PARP4: variants seen among roughly 807,000 people sequenced by gnomAD.
PARP4 encodes poly(ADP-ribose) polymerase family member 4.
Under a neutral mutation model 187.7 loss-of-function variants are expected in PARP4, and 120 were observed. That is an observed-to-expected ratio of 0.64 (90% confidence interval 0.55 to 0.74). PARP4 has a LOEUF of 0.74. Ranked by LOEUF, PARP4 falls within the 30% of genes least tolerant of loss-of-function variation. The pLI, the probability that PARP4 is intolerant of heterozygous loss-of-function variation, is 0.00. For missense variants in PARP4, 1,836 were observed against 2,070.5 expected (o/e 0.89, Z 2.20); for synonymous variants, 654 against 740.9 (o/e 0.88, Z 1.90).
chr13:24,473,210 A>C (rs1403139662), intron 15 of PARP4, among the ~76,000 whole-genome samples: 1 of 152,048 alleles, frequency 6.6e-6, no homozygotes, highest in Non-Finnish European at 1.5e-5. Context: ...ACAGGCATGA[A>C]CCACCGCACC....
rs762453075 is a variant in PARP4 at position 24,459,532 on chromosome 13, T to TACACACACACACACAC, written c.2299-223_2299-222insGTGTGTGTGTGTGTGT. ...TAAACTCTACATATGTCTGTGTGTA[T>TACACACACACACACAC]ACACACACACACACGCACACACACA... On this transcript the variant is annotated intron_variant, in intron 18 of 33. Coordinates refer to ENST00000381989, the MANE Select transcript of PARP4 (RefSeq NM_006437.4). 3.0e-3 allele frequency: 965 copies of TACACACACACACACAC among 316,474 alleles called. 19 individuals are homozygous for TACACACACACACACAC. Among genetic ancestry groups the TACACACACACACACAC allele is most frequent in the Non-Finnish European group, 3.4e-3 (587 of 174,324 alleles). 19.6% of individuals were successfully genotyped at this position (316,474 alleles called of 1,614,324 possible).
intron 30 of PARP4, among the ~76,000 whole-genome samples, chr13:24,437,669 T>C (rs931313902): frequency 6.6e-6 from 1 of 152,092 alleles, no homozygotes; most frequent in Admixed American, 6.5e-5. Flanking sequence ...ATTTTTCACC[T>C]GTAAGATATG....
At position 24,450,376 on chromosome 13, in the gene PARP4, A is replaced by C. The variant is rs143514127; in HGVS notation, c.3015-559T>G. Reference sequence around the variant, plus strand: ...CTATCAAGAACTCCTTGCTTAGAGGAATTCCTCCTGAAATATTAAAGAAAA... The same window carrying C: ...CTATCAAGAACTCCTTGCTTAGAGGCATTCCTCCTGAAATATTAAAGAAAA... On this transcript the variant is annotated intron_variant, in intron 24 of 33. Transcript: ENST00000381989. 2.5e-3 allele frequency among the ~76,000 whole-genome samples: 374 copies of C among 150,476 alleles called. 4 individuals are homozygous for C. Among genetic ancestry groups the C allele is most frequent in the African/African-American group, 8.5e-3 (344 of 40,510 alleles).
intron 22 of PARP4, among the ~76,000 whole-genome samples, chr13:24,454,568 C>T (rs762436123): frequency 5.9e-5 from 9 of 152,166 alleles, no homozygotes; most frequent in Non-Finnish European, 8.8e-5. Flanking sequence ...TCTATGACTG[C>T]GCTGAGGGCA....
intron 31 of PARP4, among the ~76,000 whole-genome samples, chr13:24,432,269 T>C (rs547188639): frequency 8.1e-4 from 123 of 152,322 alleles, no homozygotes; most frequent in African/African-American, 2.8e-3. Context: ...TTGTTAACGA[T>C]AGTCACCCTA....
At chr13:24,456,058 G>C (rs758205003) in intron 21 of PARP4, among the ~76,000 whole-genome samples, 1 of 152,118 alleles carries the variant, frequency 6.6e-6, no homozygotes, top group African/African-American at 2.4e-5. Context: ...AAGTTATAGA[G>C]AATACCCAAT....
At chr13:24,499,765 TA>T (rs1869171120) in intron 4 of PARP4, among the ~76,000 whole-genome samples, 1 of 152,246 alleles carries the variant, frequency 6.6e-6, no homozygotes, top group Admixed American at 6.5e-5. Context: ...CATTCCTCTC[TA>T]AAATAAAGGA....
rs573935963 is a variant in PARP4 at position 24,474,263 on chromosome 13, C to T, written c.1914+1209G>A. 7.9e-5 allele frequency among the ~76,000 whole-genome samples: 12 copies of T among 152,002 alleles called. No individual in the cohort carries two copies. The East Asian group carries it at 2.3e-3, about 29-fold the overall frequency. Reference sequence around the variant, plus strand: ...TGGCGGACTCCATCACTTCCTACACCCCCACTGCAAACCTTCTTCTCCACA... The same window carrying T: ...TGGCGGACTCCATCACTTCCTACACTCCCACTGCAAACCTTCTTCTCCACA... On this transcript the variant is annotated intron_variant, in intron 15 of 33. Transcript: ENST00000381989.
chr13:24,498,998 C>A (rs1312911825), intron 5 of PARP4, among the ~76,000 whole-genome samples: 13 of 152,158 alleles, frequency 8.5e-5, no homozygotes, highest in African/African-American at 3.1e-4. Flanking sequence ...TAAACATTTT[C>A]TTGACTGTTA....
At chr13:24,443,247 TG>T (rs1199245045) in intron 28 of PARP4, among the ~76,000 whole-genome samples, 1 of 149,744 alleles carries the variant, frequency 6.7e-6, no homozygotes, top group Non-Finnish European at 1.5e-5. Context: ...CTGCACAGCA[TG>T]GGGGGAGTCA....
chr13:24,441,603 T>C (rs531913640), intron 30 of PARP4, among the ~76,000 whole-genome samples: 83 of 152,376 alleles, frequency 5.4e-4, no homozygotes, highest in African/African-American at 1.9e-3. Flanking sequence ...TATTTGCCCA[T>C]GATAGAAGCA....
intron 2 of PARP4, among the ~76,000 whole-genome samples, chr13:24,502,932 C>G (rs958039967): frequency 6.6e-6 from 1 of 152,178 alleles, no homozygotes; most frequent in African/African-American, 2.4e-5. Context: ...GGCTGAGGTC[C>G]AGGGAGGGGC....
At chr13:24,459,339 C>A in intron 18 of PARP4, 29 bp from the exon 19 acceptor site, 1 of 1,497,604 alleles carries the variant, frequency 6.7e-7, no homozygotes, top group Admixed American at 2.1e-5. Flanking sequence ...ATTTGTATAA[C>A]TAAGCATATA....
rs1343104646 is a variant in PARP4 at position 24,455,228 on chromosome 13, AGGTGC to A, written c.2563-21_2563-17del. 2 of 1,565,560 alleles carry A rather than the reference AGGTGC, an allele frequency of 1.3e-6. No individual in the cohort carries two copies. The highest frequency in any genetic ancestry group is 1.7e-6 in the Non-Finnish European group (2 of 1,144,718). On this transcript the variant is annotated splice_polypyrimidine_tract_variant and intron_variant, in intron 21 of 33. Coordinates refer to ENST00000381989, the MANE Select transcript of PARP4 (RefSeq NM_006437.4). Reference sequence around the variant, plus strand: ...GCATGCAAGCCTGAAAGGAGAAAGAAGGTGCTGGACTGGAGCTTCTTGTCACTTCA... The same window carrying A: ...GCATGCAAGCCTGAAAGGAGAAAGAATGGACTGGAGCTTCTTGTCACTTCA...
chr13:24,422,239 C>T (rs2862899), intron 33 of PARP4, among the ~76,000 whole-genome samples: 11 of 152,302 alleles, frequency 7.2e-5, no homozygotes, highest in South Asian at 6.2e-4. Context: ...TGGTGGAAAT[C>T]AACAAAGCTT....
intron 14 of PARP4, among the ~76,000 whole-genome samples, chr13:24,475,891 C>A (rs1027062127): frequency 6.6e-6 from 1 of 151,866 alleles, no homozygotes; most frequent in Non-Finnish European, 1.5e-5. Context: ...CTCAGGTGAT[C>A]CTCCTGTCTC....
chr13:24,460,199 C>G, intron 17 of PARP4, 63 bp from the exon 18 acceptor site: 1 of 1,357,464 alleles, frequency 7.4e-7, no homozygotes, highest in South Asian at 1.3e-5. Context: ...TGCCAGCTAA[C>G]TCCACGTACT....
chr13:24,498,377 A>C, intron 5 of PARP4, 148 bp from the exon 6 acceptor site: 1 of 577,914 alleles, frequency 1.7e-6, no homozygotes. Flanking sequence ...GAAAATTAAA[A>C]TCTCCTAAAA....
rs1460098319 is a variant in PARP4 at position 24,501,826 on chromosome 13, A to G, written c.141T>C (p.His47=). ...GAACATCAGCATTATCTAAGATTAT[A>G]TGTGTGCACTAAGGAAAAAAAGAGT... ...FSFSLNPQCT[H]IILDNADVLS... The change falls in exon 3 of 34, where the codon CAT becomes CAC. Residue 47 remains histidine (H), a synonymous_variant. Coordinates refer to ENST00000381989, the MANE Select transcript of PARP4 (RefSeq NM_006437.4). 1.2e-6 allele frequency: 2 copies of G among 1,600,946 alleles called. No individual in the cohort carries two copies. The highest frequency in any genetic ancestry group is 8.6e-7 in the Non-Finnish European group (1 of 1,168,786).
Sources: allele counts gnomAD v4.1 joint callset (sites outside exome capture counted in the v4.1 genomes callset), GRCh38; gene constraint gnomAD v4.1.1; transcripts MANE v1.5; gene names NCBI Gene and HGNC (gene_info 2026-07-23, HGNC 2026-07-21).